Variants in NFIC observed in about 807,000 individuals in gnomAD.
NFIC encodes the protein nuclear factor I C.
A neutral mutation model predicts 54.4 loss-of-function variants in NFIC; 12 were observed. The observed-to-expected ratio is 0.22, with a 90% CI of 0.14 to 0.36. The LOEUF is 0.36. NFIC is among the 10% of genes least tolerant of loss of function. NFIC has a pLI of 1.00. For synonymous variants in NFIC, 322 were observed against 319.2 expected, an observed-to-expected ratio of 1.01 and a Z score of -0.09; for missense variants, 575 against 718.2, an observed-to-expected ratio of 0.80 and a Z score of 2.28.
intron 2 of NFIC, among the ~76,000 whole-genome samples, chr19:3,395,703 C>T (rs150089554): frequency 3.0e-3 from 449 of 151,600 alleles, no homozygotes; most frequent in Middle Eastern, 6.8e-3. Flanking sequence ...CTTTTTGAGA[C>T]GGAGTCTTGC....
intron 6 of NFIC, among the ~76,000 whole-genome samples, chr19:3,443,646 G>A (rs1433692155): frequency 6.6e-6 from 1 of 152,054 alleles, no homozygotes; most frequent in African/African-American, 2.4e-5. Flanking sequence ...AGAGTCTCTT[G>A]GGGGTCCATG....
chr19:3,365,756 G>A (rs1013724277), upstream of NFIC, among the ~76,000 whole-genome samples: 1 of 152,160 alleles, frequency 6.6e-6, no homozygotes, highest in Non-Finnish European at 1.5e-5. Context: ...TGGGGTGCTG[G>A]AGAGACACAC....
At chr19:3,377,279 A>C in intron 1 of NFIC, among the ~76,000 whole-genome samples, 1 of 131,898 alleles carries the variant, frequency 7.6e-6, no homozygotes, top group East Asian at 2.4e-4. Flanking sequence ...GTTTGCAGTG[A>C]GCTGAGATCG....
rs569284490 is a variant in NFIC, at chr19:3,374,050, G to T, written c.30+7384G>T. Among the ~76,000 whole-genome samples the T allele has an allele frequency of 2.6e-5, 4 of 152,230 alleles. No individual in the cohort carries two copies. In the East Asian group the frequency reaches 7.7e-4, roughly 29 times the overall value. On this transcript the variant is annotated intron_variant, in intron 1 of 10. Transcript: ENST00000443272. The stretch of plus-strand genomic sequence containing the variant: ...TTAGAACTAAGGCTTTGAAGGATGC[G>T]TAGGAATTTGGGATAAGTGCTAAGT...
chr19:3,400,719 G>A (rs925493485), intron 2 of NFIC, among the ~76,000 whole-genome samples: 3 of 152,066 alleles, frequency 2.0e-5, no homozygotes, highest in Non-Finnish European at 4.4e-5. Flanking sequence ...GTATGCGCCT[G>A]TAATCCAGCC....
intron 2 of NFIC, among the ~76,000 whole-genome samples, chr19:3,403,827 ACCCCCCGCCGCGCCCGGCTGC>A (rs1440229417): frequency 7.3e-6 from 1 of 137,452 alleles, no homozygotes; most frequent in Non-Finnish European, 1.6e-5. Context: ...TCCTCCCGCC[ACCCCCCGCCGCGCCCGGCTGC>A]CCCCACCCGG....
At chr19:3,441,005 A>G (rs1045700244) in intron 6 of NFIC, among the ~76,000 whole-genome samples, 1 of 151,982 alleles carries the variant, frequency 6.6e-6, no homozygotes, top group African/African-American at 2.4e-5. Flanking sequence ...TTGTAGAGAC[A>G]GAGTTCCCTG....
rs1300115061 is a variant in NFIC, at chr19:3,424,985, C to G, written c.563-121C>G. On this transcript the variant is annotated intron_variant, in intron 2 of 10. Transcript: ENST00000443272. Reference sequence around the variant, plus strand: ...CCCAGGGCCTGGGTGTGTTTTGGGGCCACTGTTTGTCTCCATAGCACTGGC... The same window carrying G: ...CCCAGGGCCTGGGTGTGTTTTGGGGGCACTGTTTGTCTCCATAGCACTGGC... The G allele has an allele frequency of 8.1e-6, 8 of 988,926 alleles. No homozygotes were observed. The East Asian group carries it at 1.1e-4, about 13-fold the overall frequency. 61.3% of individuals were successfully genotyped at this position (988,926 alleles called of 1,614,324 possible).
chr19:3,448,761 G>A (rs768715926), intron 6 of NFIC, among the ~76,000 whole-genome samples: 8 of 152,144 alleles, frequency 5.3e-5, no homozygotes, highest in Non-Finnish European at 1.0e-4. Context: ...GGCCAGGAGC[G>A]AGGCCCAGGG....
chr19:3,448,947 T>C (rs992464638), intron 6 of NFIC, 67 bp from the exon 7 acceptor site: 2 of 1,531,534 alleles, frequency 1.3e-6, no homozygotes, highest in East Asian at 2.3e-5. Context: ...GAGGCTGGCT[T>C]TGGGGAAGGT....
Position 3,452,581 on chromosome 19 carries a change from G to C in NFIC, c.1184G>C (p.Arg395Pro), listed in dbSNP as rs140170107. The C allele has an allele frequency of 1.2e-6, 2 of 1,613,580 alleles. No homozygotes were observed. Among genetic ancestry groups the C allele is most frequent in the Non-Finnish European group, 8.5e-7 (1 of 1,179,968 alleles). Residue 395 changes from arginine (R) to proline (P), a missense_variant, in exon 8 of 11, where the codon CGC becomes CCC. Arg to Pro is a moderately radical substitution (Grantham distance 103, BLOSUM62 -2). Transcript: ENST00000443272. The surrounding 1 kb of genome is among the most constrained non-coding windows in gnomAD (Gnocchi z 5.3). Reference sequence around the variant, plus strand: ...ACCTACTTCCCCCACACGGCCATCCGCTACCCACCTCATCTCAACCCCCAG... The same window carrying C: ...ACCTACTTCCCCCACACGGCCATCCCCTACCCACCTCATCTCAACCCCCAG... ...ASTYFPHTAI[R>P]YPPHLNPQDP...
rs899258950 is a variant in NFIC, at chr19:3,465,027, C to T, written c.*2258C>T. 9.2e-5 allele frequency: 14 copies of T among 151,716 alleles called. No individual in the cohort carries two copies. Among genetic ancestry groups the T allele is most frequent in the African/African-American group, 3.4e-4 (14 of 41,230 alleles). 9.4% of individuals were successfully genotyped at this position (151,716 alleles called of 1,614,324 possible). Reference sequence around the variant, plus strand: ...ACTCTTTACCTAACTTTGCATGGTGCTTAGTCAAGGACTCCTGCGACCTGG... The same window carrying T: ...ACTCTTTACCTAACTTTGCATGGTGTTTAGTCAAGGACTCCTGCGACCTGG... On this transcript the variant is annotated 3_prime_UTR_variant, in exon 11 of 11. Transcript: ENST00000443272.
At chr19:3,368,035 C>A (rs774527696) in intron 1 of NFIC, among the ~76,000 whole-genome samples, 1 of 151,260 alleles carries the variant, frequency 6.6e-6, no homozygotes, top group African/African-American at 2.4e-5. Flanking sequence ...AAGTCCCTGT[C>A]CCAGCCTCAG....
At chr19:3,454,079 A>G in intron 9 of NFIC, 163 bp downstream of exon 9, 1 of 1,371,542 alleles carries the variant, frequency 7.3e-7, no homozygotes, top group Non-Finnish European at 9.3e-7. Context: ...GGTTGGGCCC[A>G]TGTAGGGCTG....
intron 2 of NFIC, among the ~76,000 whole-genome samples, chr19:3,409,457 T>C (rs114282454): frequency 0.031 from 4,707 of 152,276 alleles, 233 homozygotes; most frequent in African/African-American, 0.11. Context: ...TGAGGCTTCC[T>C]CCATGCACTG....
At chr19:3,394,523 A>ACC (rs1387633539) in intron 2 of NFIC, among the ~76,000 whole-genome samples, 6,247 of 50,360 alleles carry the variant, frequency 0.12, 451 homozygotes, top group East Asian at 0.22. Context: ...TTCCCCACCC[A>ACC]CCCCCCACCC....
chr19:3,388,153 G>A (rs762563552), intron 2 of NFIC, among the ~76,000 whole-genome samples: 32 of 152,146 alleles, frequency 2.1e-4, no homozygotes, highest in Non-Finnish European at 4.0e-4. Flanking sequence ...GGAATGGCGC[G>A]GTGGGCAGAG....
chr19:3,374,472 C>G (rs2081071932), intron 1 of NFIC, among the ~76,000 whole-genome samples: 1 of 152,202 alleles, frequency 6.6e-6, no homozygotes, highest in Non-Finnish European at 1.5e-5. Context: ...CTGAGGTGAT[C>G]TGTTCCCCAG....
intron 2 of NFIC, among the ~76,000 whole-genome samples, chr19:3,394,334 G>A (rs2081423278): frequency 6.6e-6 from 1 of 151,886 alleles, no homozygotes; most frequent in Admixed American, 6.6e-5. Context: ...TAAAAAATTA[G>A]CCAGGCGTGG....
Sources: gnomAD v4.1 joint callset for allele counts (sites outside exome capture counted in the v4.1 genomes callset) on GRCh38, gnomAD v4.1.1 for gene constraint, Gnocchi (gnomAD v3.1) non-coding constraint, MANE v1.5 for transcripts, NCBI Gene and HGNC (gene_info 2026-07-23, HGNC 2026-07-21) for gene names.